PLA2R1: variants seen among roughly 807,000 people sequenced by gnomAD.
PLA2R1 encodes secretory phospholipase A2 receptor.
In PLA2R1, 158 loss-of-function variants were observed where a neutral mutation model predicts 195.9. The observed-to-expected ratio is 0.81, with a 90% CI of 0.71 to 0.92. The LOEUF is 0.92. PLA2R1 is among the 40% of genes least tolerant of loss of function. The pLI is 0.00. For missense variants in PLA2R1, 1,626 were observed against 1,764.6 expected, an observed-to-expected ratio of 0.92 and a Z score of 1.41; for synonymous variants, 586 against 598.2, an observed-to-expected ratio of 0.98 and a Z score of 0.30.
At chr2:160,050,442 C>CA (rs1045480379) in intron 1 of PLA2R1, among the ~76,000 whole-genome samples, 1 of 150,786 alleles carries the variant, frequency 6.6e-6, no homozygotes, top group East Asian at 1.9e-4. Context: ...CACTCTTTCA[C>CA]TTTTTTTTTT....
At chr2:160,018,398 T>C (rs1390138459) in intron 8 of PLA2R1, among the ~76,000 whole-genome samples, 2 of 152,180 alleles carry the variant, frequency 1.3e-5, no homozygotes, top group African/African-American at 2.4e-5. Flanking sequence ...ATCACAACAC[T>C]TTGGGAGGCC....
chr2:159,951,145 G>A (rs1237725318), intron 24 of PLA2R1, among the ~76,000 whole-genome samples, 195 bp downstream of exon 24: 2 of 152,176 alleles, frequency 1.3e-5, no homozygotes, highest in Non-Finnish European at 2.9e-5. Flanking sequence ...CTAAAGAGGT[G>A]TGCACTCTTA....
chr2:159,925,102 C>T, the PLA2R1 span, among the ~76,000 whole-genome samples: 2 of 152,156 alleles, frequency 1.3e-5, no homozygotes, highest in African/African-American at 2.4e-5. Context: ...ATGTATTTCT[C>T]CATGTCAGCA....
chr2:159,964,629 A>G (rs1291002889), intron 20 of PLA2R1, among the ~76,000 whole-genome samples: 2 of 152,184 alleles, frequency 1.3e-5, no homozygotes, highest in African/African-American at 2.4e-5. Context: ...AGAGTAAATT[A>G]TACTATTCTA....
intron 12 of PLA2R1, among the ~76,000 whole-genome samples, chr2:159,984,418 G>C (rs1690185629): frequency 6.6e-6 from 1 of 152,034 alleles, no homozygotes; most frequent in Non-Finnish European, 1.5e-5. Flanking sequence ...GGCCAAGAGA[G>C]GTTAAGAATT....
In PLA2R1 at chr2:160,044,991, C is replaced by T. The variant is rs1468184178; in HGVS notation, c.276G>A (p.Leu92=). 2 of 1,614,096 alleles carry T rather than the reference C, an allele frequency of 1.2e-6. No individual in the cohort carries two copies. Among genetic ancestry groups the T allele is most frequent in the Non-Finnish European group, 1.7e-6 (2 of 1,179,950 alleles). The change falls in exon 2 of 30, where the codon CTG becomes CTA. Residue 92 remains leucine (L), a synonymous_variant. Transcript: ENST00000283243. ...FNIGGSGCLG[L]NFSAPEQPLS... Reference sequence around the variant, plus strand: ...ATGGCTGCTCTGGGGCGGAGAAATTCAGGCCCAGGCAACCACTGCCTCCTA... The same window carrying T: ...ATGGCTGCTCTGGGGCGGAGAAATTTAGGCCCAGGCAACCACTGCCTCCTA...
Position 159,933,465 on chromosome 2 carries a change from C to T in PLA2R1, c.*8313G>A, listed in dbSNP as rs981263309. On this transcript the variant is annotated 3_prime_UTR_variant, in exon 30 of 30. Coordinates refer to ENST00000283243, the MANE Select transcript of PLA2R1 (RefSeq NM_007366.5). ...ATTTCCTACAATTTAATACATATCA[C>T]TTATCTTGTTAAGCCTTTCTCTACT... The T allele has an allele frequency of 6.6e-6, 1 of 152,188 alleles. No individual in the cohort carries two copies. The highest frequency in any genetic ancestry group is 2.1e-4 in the South Asian group (1 of 4,822). The allele number at this position is 152,188 out of a possible 1,614,324, so 9.4% of individuals were successfully genotyped here. A position where few individuals can be genotyped will look rare whatever the true frequency, so the allele number is the denominator to read the frequency against.
At chr2:159,978,955 T>C (rs1051684343) in intron 14 of PLA2R1, among the ~76,000 whole-genome samples, 2 of 152,218 alleles carry the variant, frequency 1.3e-5, no homozygotes, top group African/African-American at 4.8e-5. Flanking sequence ...CTGGCTCTCC[T>C]ATATATTTTA....
At chr2:160,023,032 C>G (rs1693245523) in intron 6 of PLA2R1, among the ~76,000 whole-genome samples, 173 bp from the exon 7 acceptor site, 1 of 152,156 alleles carries the variant, frequency 6.6e-6, no homozygotes, top group African/African-American at 2.4e-5. Flanking sequence ...AGGGTCTAAT[C>G]TATGATCTAG....
intron 14 of PLA2R1, among the ~76,000 whole-genome samples, chr2:159,978,480 T>C (rs3828324): frequency 0.36 from 54,551 of 152,122 alleles, 12,312 homozygotes; most frequent in Non-Finnish European, 0.49. Context: ...CCAGCAGATA[T>C]TAGTGAGAAG....
At chr2:160,010,881 T>G (rs1370438381) in intron 10 of PLA2R1, among the ~76,000 whole-genome samples, 2 of 152,174 alleles carry the variant, frequency 1.3e-5, no homozygotes, top group Non-Finnish European at 2.9e-5. Flanking sequence ...GGGGGTAGCA[T>G]AAGTATATGT....
intron 1 of PLA2R1, among the ~76,000 whole-genome samples, chr2:160,047,756 C>T (rs1421235797): frequency 6.8e-6 from 1 of 147,758 alleles, no homozygotes; most frequent in Non-Finnish European, 1.5e-5. Context: ...TGTGTAGATG[C>T]GGGAATGGCT....
intron 1 of PLA2R1, among the ~76,000 whole-genome samples, chr2:160,057,474 C>CA (rs1315499989): frequency 6.6e-6 from 1 of 152,228 alleles, no homozygotes; most frequent in African/African-American, 2.4e-5. Flanking sequence ...TGTTGCCTGA[C>CA]ACGTGATCCT....
At chr2:160,041,518 C>T (rs142819434) in intron 3 of PLA2R1, among the ~76,000 whole-genome samples, 3 of 152,046 alleles carry the variant, frequency 2.0e-5, no homozygotes, top group Admixed American at 6.6e-5. Flanking sequence ...GGAGTCAAGA[C>T]GAGAATCCAC....
chr2:159,992,745 C>G (rs1165284866), intron 11 of PLA2R1, among the ~76,000 whole-genome samples: 2 of 152,126 alleles, frequency 1.3e-5, no homozygotes, highest in African/African-American at 4.8e-5. Context: ...GGAGGCATCA[C>G]ACTACCTGAC....
intron 1 of PLA2R1, among the ~76,000 whole-genome samples, chr2:160,053,354 G>T (rs996596497): frequency 1.1e-4 from 16 of 150,698 alleles, no homozygotes; most frequent in African/African-American, 2.4e-5. Context: ...TTGGTGGGGG[G>T]GGGGGGAACA....
chr2:160,046,548 G>T (rs927347333), intron 1 of PLA2R1, among the ~76,000 whole-genome samples: 3 of 152,188 alleles, frequency 2.0e-5, no homozygotes, highest in African/African-American at 7.2e-5. Flanking sequence ...AGCCTGAGGA[G>T]AACTGATTTA....
intron 1 of PLA2R1, among the ~76,000 whole-genome samples, chr2:160,056,664 G>A (rs920179083): frequency 9.9e-5 from 15 of 152,000 alleles, no homozygotes; most frequent in African/African-American, 3.6e-4. Context: ...TCTTCCTATT[G>A]GGACTGACTT....
At chr2:159,981,304 T>C (rs2715920) in intron 13 of PLA2R1, among the ~76,000 whole-genome samples, 130,315 of 151,990 alleles carry the variant, frequency 0.86, 56,108 homozygotes, top group African/African-American at 0.92. Flanking sequence ...AGCATACCTG[T>C]TATACCTGCT....
Sources: allele counts gnomAD v4.1 joint callset (sites outside exome capture counted in the v4.1 genomes callset), GRCh38; gene constraint gnomAD v4.1.1; transcripts MANE v1.5; gene names NCBI Gene and HGNC (gene_info 2026-07-23, HGNC 2026-07-21).